The following PRPF39 variants were observed in gnomAD, a reference collection of about 807,000 sequenced individuals.
PRPF39 encodes the protein pre-mRNA-processing factor 39.
A neutral mutation model predicts 82.1 loss-of-function variants in PRPF39; 27 were observed. The observed-to-expected ratio is 0.33, with a 90% CI of 0.24 to 0.45. The LOEUF is 0.45. Ranked by LOEUF, PRPF39 falls within the 20% of genes least tolerant of loss-of-function variation. The probability of loss-of-function intolerance (pLI) is 1.00; values close to 1 mark genes in which losing one functional copy is unlikely to be tolerated. For synonymous variants in PRPF39, 261 were observed against 256.4 expected, an observed-to-expected ratio of 1.02 and a Z score of -0.17; for missense variants, 581 against 796.9, an observed-to-expected ratio of 0.73 and a Z score of 3.26.
intron 10 of PRPF39, among the ~76,000 whole-genome samples, chr14:45,111,465 G>C (rs998803692): frequency 6.6e-6 from 1 of 151,802 alleles, no homozygotes; most frequent in Non-Finnish European, 1.5e-5. Flanking sequence ...CTCCCGAGTA[G>C]CTGGGATTAC....
At chr14:45,098,650 C>G (rs974573693) in intron 4 of PRPF39, among the ~76,000 whole-genome samples, 2 of 152,118 alleles carry the variant, frequency 1.3e-5, no homozygotes, top group Non-Finnish European at 2.9e-5. Flanking sequence ...GCTTTCTATA[C>G]AATCAGATCT....
intron 4 of PRPF39, 52 bp downstream of exon 4, chr14:45,097,057 T>G: frequency 6.8e-7 from 1 of 1,477,754 alleles, no homozygotes; most frequent in South Asian, 1.5e-5. Flanking sequence ...ATAATTATTC[T>G]GATGTTGATA....
At chr14:45,109,847 T>A (rs1884649890) in intron 8 of PRPF39, 67 bp downstream of exon 8, 1 of 1,525,820 alleles carries the variant, frequency 6.6e-7, no homozygotes, top group Admixed American at 2.4e-5. Context: ...TAACCTTTTT[T>A]GTACTTCTGT....
intron 13 of PRPF39, 37 bp downstream of exon 13, chr14:45,114,651 G>T (rs1325758609): frequency 1.3e-6 from 2 of 1,578,636 alleles, no homozygotes; most frequent in African/African-American, 2.7e-5. Flanking sequence ...GTTCATAGAT[G>T]TTATTAGCAT....
chr14:45,105,073 G>A (rs558330455), intron 5 of PRPF39, among the ~76,000 whole-genome samples: 1 of 152,258 alleles, frequency 6.6e-6, no homozygotes, highest in Non-Finnish European at 1.5e-5. Flanking sequence ...GTCAGTTTCT[G>A]AGGCTTAATT....
At chr14:45,095,909 T>TTTA (rs1391409735) in intron 2 of PRPF39, among the ~76,000 whole-genome samples, 194 bp from the exon 3 acceptor site, 66 of 150,838 alleles carry the variant, frequency 4.4e-4, no homozygotes, top group African/African-American at 1.5e-3. Context: ...TTTTTTTTTT[T>TTTA]AAGTGAAAGC....
intron 10 of PRPF39, among the ~76,000 whole-genome samples, chr14:45,111,495 C>T (rs1005613487): frequency 1.6e-4 from 25 of 151,838 alleles, no homozygotes; most frequent in African/African-American, 4.1e-4. Flanking sequence ...TCACCGCGTC[C>T]GGCTGATTTT....
At chr14:45,106,909 T>G (rs1884550496) in intron 5 of PRPF39, among the ~76,000 whole-genome samples, 1 of 152,296 alleles carries the variant, frequency 6.6e-6, no homozygotes, top group African/African-American at 2.4e-5. Flanking sequence ...TAATCTTAAT[T>G]GGGCAGTTTC....
intron 4 of PRPF39, among the ~76,000 whole-genome samples, chr14:45,098,613 G>T (rs1884276055): frequency 6.6e-6 from 1 of 151,956 alleles, no homozygotes; most frequent in East Asian, 1.9e-4. Flanking sequence ...ATACTCTCCA[G>T]CAGCTTTGTA....
intron 7 of PRPF39, 142 bp downstream of exon 7, chr14:45,108,664 T>G: frequency 8.4e-7 from 1 of 1,187,350 alleles, no homozygotes; most frequent in Non-Finnish European, 1.1e-6. Context: ...TCTCATTTAT[T>G]GTAATCATTA....
intron 6 of PRPF39, 53 bp downstream of exon 6, chr14:45,107,669 C>CT: frequency 6.7e-7 from 1 of 1,501,958 alleles, no homozygotes; most frequent in Non-Finnish European, 9.0e-7. Context: ...TGGCTTATGC[C>CT]TGTAATCGCA....
In PRPF39 at chr14:45,114,941, T is replaced by C. The variant is rs758116083; in HGVS notation, c.*28T>C. ...GGAAAAATGTAAATTTCAAATGCAG[T>C]GTGTGAAAAGTATGAAATTATTATT... On this transcript the variant is annotated 3_prime_UTR_variant, in exon 14 of 14. Coordinates refer to ENST00000355765, the MANE Select transcript of PRPF39 (RefSeq NM_017922.4). 7 of 1,530,624 alleles carry C rather than the reference T, an allele frequency of 4.6e-6. No individual in the cohort carries two copies. In the Middle Eastern group the frequency reaches 1.0e-3, roughly 222 times the overall value. 94.8% of individuals were successfully genotyped at this position (1,530,624 alleles called of 1,614,324 possible). A position where few individuals can be genotyped will look rare whatever the true frequency, so the allele number is the denominator to read the frequency against.
Position 45,112,511 on chromosome 14 carries a change from T to A in PRPF39, c.1757+9T>A, listed in dbSNP as rs370460005. The A allele has an allele frequency of 7.9e-5, 116 of 1,465,578 alleles. No homozygotes were observed. The African/African-American group carries it at 1.5e-3, about 19-fold the overall frequency. The allele number at this position is 1,465,578 out of a possible 1,614,324, so 90.8% of individuals were successfully genotyped here. A position where few individuals can be genotyped will look rare whatever the true frequency, so the allele number is the denominator to read the frequency against. ...GGTTCCGATGTTAATAAGTAAGATA[T>A]TAGTTATATTACCTATTTGAATGAT... On this transcript the variant is annotated intron_variant, in intron 11 of 13. Coordinates refer to ENST00000355765, the MANE Select transcript of PRPF39 (RefSeq NM_017922.4).
chr14:45,112,425 A>G lies in PRPF39; in HGVS notation c.1680A>G (p.Ser560=), dbSNP rs555992214. 2 of 1,552,462 alleles carry G rather than the reference A, an allele frequency of 1.3e-6. No homozygotes were observed. Among genetic ancestry groups the G allele is most frequent in the East Asian group, 4.7e-5 (2 of 42,422 alleles). The part of the protein sequence containing the change: ...LNCFDKAVHG[S]LPIKMRITFS... ...GTTTTGACAAAGCTGTACATGGTTCATTACCTATTAAAATGAGAATTACAT... is the reference window on the plus strand; with the variant it reads ...GTTTTGACAAAGCTGTACATGGTTCGTTACCTATTAAAATGAGAATTACAT... Residue 560 remains serine, a synonymous_variant, in exon 11 of 14, where the codon TCA becomes TCG. Coordinates refer to ENST00000355765, the MANE Select transcript of PRPF39 (RefSeq NM_017922.4).
rs540524680 is a variant in PRPF39 at position 45,089,102 on chromosome 14, A to G, written c.-20+4853A>G. ...TTATGCACAAAAGCTTTTAAATTTG[A>G]TGTAGTCCTATTTGTCTGTTTTTGC... On this transcript the variant is annotated intron_variant, in intron 1 of 13. Coordinates refer to ENST00000355765, the MANE Select transcript of PRPF39 (RefSeq NM_017922.4). Among the ~76,000 whole-genome samples, 14 of 152,244 alleles carry G rather than the reference A, an allele frequency of 9.2e-5. No individual in the cohort carries two copies. In the South Asian group the frequency reaches 2.9e-3, roughly 32 times the overall value.
At chr14:45,092,222 T>C (rs1884051650) in intron 1 of PRPF39, among the ~76,000 whole-genome samples, 1 of 152,198 alleles carries the variant, frequency 6.6e-6, no homozygotes, top group South Asian at 2.1e-4. Context: ...ATTTTATTAG[T>C]AAGGAAATTA....
intron 3 of PRPF39, 26 bp downstream of exon 3, chr14:45,096,254 T>C (rs767228757): frequency 1.2e-4 from 180 of 1,557,506 alleles, no homozygotes; most frequent in Non-Finnish European, 1.5e-4. Context: ...AATAAACTTA[T>C]CTCCAATAGG....
chr14:45,109,716 G>T lies in PRPF39; in HGVS notation c.1112G>T (p.Arg371Leu). The change falls in exon 8 of 14, where the codon CGA (arginine) becomes CTA (leucine). Residue 371 changes from arginine (R) to leucine (L), a missense_variant. Physicochemically the swap from Arg to Leu is moderately radical, Grantham distance 102. Transcript: ENST00000355765. ...EFEIENGTHE[R>L]VVVLFERCVI... Reference sequence around the variant, plus strand: ...GAAATTGAAAATGGGACTCATGAACGAGTTGTGGTTCTCTTTGAAAGATGT... The same window carrying T: ...GAAATTGAAAATGGGACTCATGAACTAGTTGTGGTTCTCTTTGAAAGATGT... 1 of 1,608,524 alleles carries T rather than the reference G, an allele frequency of 6.2e-7. No homozygotes were observed. The highest frequency in any genetic ancestry group is 1.1e-5 in the South Asian group (1 of 90,030).
rs1884410224 is a variant in PRPF39, at chr14:45,102,572, T to C, written c.613T>C (p.Ser205Pro). Residue 205 changes from serine to proline, a missense_variant, in exon 5 of 14, where the codon TCT becomes CCT. Physicochemically the swap from Ser to Pro is moderately conservative, Grantham distance 74. Transcript: ENST00000355765. ...TCTAGCTGCAGGAACAGATTTCCGT[T>C]CTGACAGACTGTGGGAAATGTATAT... is the stretch of plus-strand genomic sequence containing the variant. ...AVLAAGTDFRSDRLWEMYINW... is the reference protein window; with the variant it reads ...AVLAAGTDFRPDRLWEMYINW... 1 of 1,611,582 alleles carries C rather than the reference T, an allele frequency of 6.2e-7. No homozygotes were observed. The highest frequency in any genetic ancestry group is 1.1e-5 in the South Asian group (1 of 90,672).
Sources: allele counts gnomAD v4.1 joint callset (sites outside exome capture counted in the v4.1 genomes callset), GRCh38; gene constraint gnomAD v4.1.1; transcripts MANE v1.5; gene names NCBI Gene and HGNC (gene_info 2026-07-23, HGNC 2026-07-21).